NRG2: variants seen among roughly 807,000 people sequenced by gnomAD.
NRG2 encodes the protein pro-neuregulin-2, membrane-bound isoform.
NRG2 carries 27 observed loss-of-function variants against 73.9 expected under a neutral mutation model. The observed-to-expected ratio is 0.37, with a 90% CI of 0.27 to 0.50. The LOEUF (loss-of-function observed/expected upper bound fraction) is 0.50, where lower values mean the gene tolerates loss of function less well. Ranked by LOEUF, NRG2 falls within the 20% of genes least tolerant of loss-of-function variation. The pLI, the probability that NRG2 is intolerant of heterozygous loss-of-function variation, is 0.96. For missense variants in NRG2, 1,126 were observed against 1,210.1 expected, an observed-to-expected ratio of 0.93 and a Z score of 1.03; for synonymous variants, 532 against 541.0, an observed-to-expected ratio of 0.98 and a Z score of 0.23.
chr5:139,921,301 T>C (rs546439247), intron 1 of NRG2, among the ~76,000 whole-genome samples: 1 of 152,290 alleles, frequency 6.6e-6, no homozygotes, highest in African/African-American at 2.4e-5. Context: ...CAACTCAATA[T>C]TGAGGGAGAA....
chr5:140,004,206 T>C (rs1405663709), intron 1 of NRG2, among the ~76,000 whole-genome samples: 1 of 152,196 alleles, frequency 6.6e-6, no homozygotes, highest in Non-Finnish European at 1.5e-5. Flanking sequence ...AAAGACTTCA[T>C]CAAGGAATGA....
rs1761120292 is a variant in NRG2, at chr5:139,848,158, C to T, written c.2312G>A (p.Gly771Asp). The T allele has an allele frequency of 1.4e-6, 2 of 1,436,578 alleles. No homozygotes were observed. The highest frequency in any genetic ancestry group is 6.2e-5 in the East Asian group (2 of 32,268). The allele number at this position is 1,436,578 out of a possible 1,614,324, so 89.0% of individuals were successfully genotyped here. ...GTCGTCCGACGCCGAGGCTGAGCCG[C>T]CGCCCGAGCCGCTGCTCAGCGACAG... ...DSLSLSSGSG[G>D]GSASASDDDA... Residue 771 changes from glycine (G) to aspartate (D), a missense_variant, in exon 10 of 10, where the codon GGC becomes GAC. This residue lies in a region of NRG2 where 402 missense variants were observed against 357.8 expected (regional missense o/e 1.12). Transcript: ENST00000361474.
rs989162714 is a variant in NRG2, at chr5:140,029,206, A to G, written c.700+13164T>C. Among the ~76,000 whole-genome samples, 25 of 152,188 alleles carry G rather than the reference A, an allele frequency of 1.6e-4. 1 individual carries two copies. The highest frequency in any genetic ancestry group is 2.4e-4 in the Non-Finnish European group (16 of 68,024). On this transcript the variant is annotated intron_variant, in intron 1 of 9. Coordinates refer to ENST00000361474, the MANE Select transcript of NRG2 (RefSeq NM_004883.3). ...GTGTTTTGCCATACCACAATCGATA[A>G]CTGCCATAGGCAGGTAGAAACTGGG...
Position 139,852,448 on chromosome 5 carries a change from G to A in NRG2, c.1528C>T (p.Pro510Ser), listed in dbSNP as rs779932640. The A allele has an allele frequency of 1.9e-6, 3 of 1,613,696 alleles. No homozygotes were observed. The highest frequency in any genetic ancestry group is 2.2e-5 in the East Asian group (1 of 44,894). Residue 510 changes from proline (P) to serine (S), a missense_variant, in exon 8 of 10, where the codon CCC becomes TCC. This residue lies in a region of NRG2 where 539 missense variants were observed against 703.2 expected (regional missense o/e 0.77). Transcript: ENST00000361474. This position sits in a 1 kb window ranked among gnomAD's most constrained non-coding sequence, Gnocchi z 4.4. Reference protein sequence around the residue: ...SPSHHCSTATPTSSHRHESHT... With the variant: ...SPSHHCSTATSTSSHRHESHT... ...GGTGCCTACCTGTGGCTGGAGGTGG[G>A]TGTGGCTGTGGAGCAGTGGTGAGAA...
At chr5:139,945,814 T>C (rs779922141) in intron 1 of NRG2, among the ~76,000 whole-genome samples, 2 of 152,052 alleles carry the variant, frequency 1.3e-5, no homozygotes, top group African/African-American at 4.8e-5. Flanking sequence ...TCTTATACAC[T>C]TGCAATGAAC....
chr5:139,992,100 T>C (rs566232009), intron 1 of NRG2, among the ~76,000 whole-genome samples: 1 of 152,346 alleles, frequency 6.6e-6, no homozygotes, highest in South Asian at 2.1e-4. Flanking sequence ...CTTTATGATA[T>C]TAAATTATCC....
At chr5:139,958,814 T>C (rs1402737534) in intron 1 of NRG2, among the ~76,000 whole-genome samples, 1 of 149,400 alleles carries the variant, frequency 6.7e-6, no homozygotes, top group Admixed American at 6.6e-5. Flanking sequence ...CTCAAGAGAC[T>C]TTACCTTCTA....
Position 139,852,663 on chromosome 5 carries a change from G to A in NRG2, c.1417-104C>T. The A allele has an allele frequency of 6.6e-7, 1 of 1,521,372 alleles. No homozygotes were observed. The highest frequency in any genetic ancestry group is 2.3e-5 in the East Asian group (1 of 44,196). The allele number at this position is 1,521,372 out of a possible 1,614,324, so 94.2% of individuals were successfully genotyped here. A position where few individuals can be genotyped will look rare whatever the true frequency, so the allele number is the denominator to read the frequency against. On this transcript the variant is annotated intron_variant, in intron 7 of 9. Coordinates refer to ENST00000361474, the MANE Select transcript of NRG2 (RefSeq NM_004883.3). This position sits in a 1 kb window ranked among gnomAD's most constrained non-coding sequence, Gnocchi z 4.4. The stretch of plus-strand genomic sequence containing the variant: ...GAGCACTGACTGAGCTCCTGGTTGG[G>A]GAGACCCACTGTGTGAGAGTGACTT...
At chr5:139,959,009 C>T (rs945100464) in intron 1 of NRG2, among the ~76,000 whole-genome samples, 2 of 152,282 alleles carry the variant, frequency 1.3e-5, no homozygotes, top group Admixed American at 6.5e-5. Flanking sequence ...CAGGCTATAA[C>T]CTCCAACCCC....
chr5:139,865,670 T>A lies in NRG2; in HGVS notation c.1113-45A>T. ...AAAATCACAGAACAAACTGGCATCA[T>A]CCGCGAGGCTAAGGTTAGAAATCAA... is the stretch of plus-strand genomic sequence containing the variant. On this transcript the variant is annotated intron_variant, in intron 4 of 9. Transcript: ENST00000361474. This position sits in a 1 kb window ranked among gnomAD's most constrained non-coding sequence, Gnocchi z 5.2. 2.0e-6 allele frequency: 3 copies of A among 1,516,186 alleles called. No individual in the cohort carries two copies. Among genetic ancestry groups the A allele is most frequent in the Non-Finnish European group, 2.7e-6 (3 of 1,103,842 alleles). The allele number at this position is 1,516,186 out of a possible 1,614,324, so 93.9% of individuals were successfully genotyped here.
At chr5:140,015,899 C>T (rs1759728662) in intron 1 of NRG2, among the ~76,000 whole-genome samples, 1 of 152,154 alleles carries the variant, frequency 6.6e-6, no homozygotes, top group Admixed American at 6.5e-5. Flanking sequence ...TCTAGTAACC[C>T]AGAAACTGGA....
chr5:139,898,297 T>C (rs1764675339), intron 1 of NRG2, among the ~76,000 whole-genome samples: 1 of 152,240 alleles, frequency 6.6e-6, no homozygotes, highest in Non-Finnish European at 1.5e-5. Context: ...CTGAGAGGAA[T>C]CCATCTGCAC....
At chr5:140,012,108 T>C (rs1033049445) in intron 1 of NRG2, among the ~76,000 whole-genome samples, 1 of 152,178 alleles carries the variant, frequency 6.6e-6, no homozygotes, top group Non-Finnish European at 1.5e-5. Flanking sequence ...AGTCTCATCT[T>C]TATCCCTTTG....
In NRG2 at chr5:139,851,536, G is replaced by A; in HGVS notation, c.1772+68C>T. 6.8e-7 allele frequency: 1 copy of A among 1,468,246 alleles called. No individual in the cohort carries two copies. Among genetic ancestry groups the A allele is most frequent in the African/African-American group, 1.4e-5 (1 of 72,224 alleles). The allele number at this position is 1,468,246 out of a possible 1,614,324, so 91.0% of individuals were successfully genotyped here. ...GGAGTGTTTCTGAGGGGCCCTAAGG[G>A]TCAGCCTTGGGCCAGTGGTGCCAGC... On this transcript the variant is annotated intron_variant, in intron 9 of 9. Transcript: ENST00000361474. This position sits in a 1 kb window ranked among gnomAD's most constrained non-coding sequence, Gnocchi z 4.2.
chr5:139,922,159 T>C (rs1751720325), intron 1 of NRG2, among the ~76,000 whole-genome samples: 1 of 148,666 alleles, frequency 6.7e-6, no homozygotes, highest in African/African-American at 2.5e-5. Flanking sequence ...ACAGATAAAA[T>C]ATTTGCAAAG....
intron 1 of NRG2, among the ~76,000 whole-genome samples, chr5:140,006,847 G>A (rs972368459): frequency 6.6e-6 from 1 of 152,098 alleles, no homozygotes. Context: ...TTTCAAACAA[G>A]GAAAATTCAT....
At chr5:139,881,552 C>A (rs747880434) in intron 2 of NRG2, among the ~76,000 whole-genome samples, 1 of 152,182 alleles carries the variant, frequency 6.6e-6, no homozygotes, top group Non-Finnish European at 1.5e-5. Context: ...ATTCATTCAA[C>A]AAATGTTTAC....
At chr5:139,903,684 CAG>C (rs973594477) in intron 1 of NRG2, among the ~76,000 whole-genome samples, 1 of 152,242 alleles carries the variant, frequency 6.6e-6, no homozygotes, top group Non-Finnish European at 1.5e-5. Flanking sequence ...TCCCGAAGAC[CAG>C]AGAGAGACAA....
Position 139,915,083 on chromosome 5 carries a change from G to T in NRG2, c.701-27572C>A, listed in dbSNP as rs1751151696. Among the ~76,000 whole-genome samples the T allele has an allele frequency of 6.6e-6, 1 of 152,220 alleles. No homozygotes were observed. The highest frequency in any genetic ancestry group is 1.5e-5 in the Non-Finnish European group (1 of 68,048). On this transcript the variant is annotated intron_variant, in intron 1 of 9. Transcript: ENST00000361474. The surrounding 1 kb of genome is among the most constrained non-coding windows in gnomAD (Gnocchi z 4.0). ...TGGCTCCAGTAATTCAAGGGGGAAGGGGCTGTGGGAGAAAAGACCAAATTA... is the reference window on the plus strand; with the variant it reads ...TGGCTCCAGTAATTCAAGGGGGAAGTGGCTGTGGGAGAAAAGACCAAATTA...
Sources: gnomAD v4.1 joint callset for allele counts (sites outside exome capture counted in the v4.1 genomes callset) on GRCh38, gnomAD v4.1.1 for gene constraint, gnomAD v4.1.1 regional missense constraint, Gnocchi (gnomAD v3.1) non-coding constraint, MANE v1.5 for transcripts, NCBI Gene and HGNC (gene_info 2026-07-23, HGNC 2026-07-21) for gene names.